Variants in LRRC49 observed in about 807,000 individuals in gnomAD.
LRRC49 encodes the protein leucine rich repeat containing 49.
A neutral mutation model predicts 83.3 loss-of-function variants in LRRC49; 50 were observed. That is an observed-to-expected ratio of 0.60 (90% confidence interval 0.48 to 0.76). LRRC49 has a LOEUF of 0.76. Ranked by LOEUF, LRRC49 falls within the 30% of genes least tolerant of loss-of-function variation. The probability of loss-of-function intolerance (pLI) is 0.00; values close to 1 mark genes in which losing one functional copy is unlikely to be tolerated. For missense variants in LRRC49, 704 were observed against 809.1 expected (o/e 0.87, Z 1.58); for synonymous variants, 286 against 283.3 (o/e 1.01, Z -0.10).
At chr15:70,868,041 C>T (rs1450737597) in intron 1 of LRRC49, among the ~76,000 whole-genome samples, 1 of 65,390 alleles carries the variant, frequency 1.5e-5, no homozygotes. Context: ...GCTTGATTGT[C>T]TTTCACCCTT....
chr15:71,049,634 G>A lies in LRRC49; in HGVS notation c.*22G>A, dbSNP rs1596188254. On this transcript the variant is annotated 3_prime_UTR_variant, in exon 16 of 16. Transcript: ENST00000260382. ...ATAAAAATGGCCTTTAGTTACAGTT[G>A]ATTTTGGCAGTTTTATTTTTTGAAG... The A allele has an allele frequency of 6.5e-7, 1 of 1,543,696 alleles. No individual in the cohort carries two copies. The highest frequency in any genetic ancestry group is 8.9e-7 in the Non-Finnish European group (1 of 1,127,714).
chr15:71,007,709 G>GTATATATATATATATATATATA (rs55946096), intron 11 of LRRC49, among the ~76,000 whole-genome samples: 42 of 137,696 alleles, frequency 3.1e-4, no homozygotes, highest in African/African-American at 1.1e-3. Context: ...TGAGAAGCAT[G>GTATATATATATATATATATATA]TATATATATA....
At chr15:70,968,182 C>T (rs553571457) in intron 9 of LRRC49, among the ~76,000 whole-genome samples, 1 of 152,060 alleles carries the variant, frequency 6.6e-6, no homozygotes, top group Non-Finnish European at 1.5e-5. Context: ...GTTCCCCTCC[C>T]TGTGCCCATG....
chr15:70,888,112 T>A (rs2033458360), upstream of LRRC49, among the ~76,000 whole-genome samples: 2 of 152,164 alleles, frequency 1.3e-5, no homozygotes, highest in Non-Finnish European at 2.9e-5. Context: ...TTTATTCCCA[T>A]ATTCATTTAT....
intron 14 of LRRC49, among the ~76,000 whole-genome samples, chr15:71,018,253 G>A (rs1026701407): frequency 5.3e-5 from 8 of 152,162 alleles, no homozygotes; most frequent in African/African-American, 1.9e-4. Flanking sequence ...CACCTGGGAG[G>A]ATATAGATAT....
intron 5 of LRRC49, among the ~76,000 whole-genome samples, chr15:70,911,297 T>A (rs913105005): frequency 2.0e-5 from 3 of 152,198 alleles, no homozygotes; most frequent in Non-Finnish European, 2.9e-5. Context: ...TTCTTAGACA[T>A]AGGATTGCTC....
At chr15:70,871,083 A>C (rs2033022445) in intron 1 of LRRC49, among the ~76,000 whole-genome samples, 1 of 151,860 alleles carries the variant, frequency 6.6e-6, no homozygotes, top group Non-Finnish European at 1.5e-5. Flanking sequence ...TGGTTTTCCT[A>C]GGCAGAGGAC....
At chr15:71,046,721 A>T (rs1053482964) in intron 15 of LRRC49, among the ~76,000 whole-genome samples, 1 of 151,914 alleles carries the variant, frequency 6.6e-6, no homozygotes, top group African/African-American at 2.4e-5. Context: ...CCATTTGTCT[A>T]TTTTTGTTTT....
chr15:70,997,384 C>T (rs995119175), intron 11 of LRRC49, among the ~76,000 whole-genome samples: 5 of 152,056 alleles, frequency 3.3e-5, no homozygotes, highest in South Asian at 2.1e-4. Context: ...CATGGAATAT[C>T]TGTTTCTATT....
intron 13 of LRRC49, among the ~76,000 whole-genome samples, chr15:71,011,689 G>C (rs2038656310): frequency 6.6e-6 from 1 of 152,046 alleles, no homozygotes; most frequent in South Asian, 2.1e-4. Context: ...GGCCTGCATT[G>C]GCCACTAGGT....
intron 7 of LRRC49, among the ~76,000 whole-genome samples, chr15:70,928,946 T>G (rs1391207275): frequency 1.3e-5 from 2 of 152,238 alleles, no homozygotes; most frequent in East Asian, 3.8e-4. Flanking sequence ...TTTCTACTTC[T>G]TAAACACCTG....
intron 8 of LRRC49, among the ~76,000 whole-genome samples, chr15:70,938,503 G>C (rs1005156716): frequency 6.6e-6 from 1 of 152,014 alleles, no homozygotes; most frequent in Admixed American, 6.6e-5. Context: ...TATGTTTCCT[G>C]CTCTGTTTTT....
rs754004374 is a variant in LRRC49 at position 71,053,061 on chromosome 15, G to C, written c.*3449G>C. 6.6e-6 allele frequency: 1 copy of C among 152,110 alleles called. No individual in the cohort carries two copies. The highest frequency in any genetic ancestry group is 1.5e-5 in the Non-Finnish European group (1 of 68,040). The allele number at this position is 152,110 out of a possible 1,614,324, so 9.4% of individuals were successfully genotyped here. ...TATACATATTAAAGTGTAAAATATT[G>C]GCAGCTGGATTCATTGCAATAATGT... On this transcript the variant is annotated 3_prime_UTR_variant, in exon 16 of 16. Coordinates refer to ENST00000260382, the MANE Select transcript of LRRC49 (RefSeq NM_017691.5).
chr15:70,943,803 TTCTA>T (rs948375304), intron 8 of LRRC49, among the ~76,000 whole-genome samples: 4 of 152,166 alleles, frequency 2.6e-5, no homozygotes, highest in Admixed American at 2.0e-4. Flanking sequence ...TCAGGTTTTT[TTCTA>T]TCTATTGGGA....
At position 71,038,497 on chromosome 15, in the gene LRRC49, C is replaced by A. The variant is rs534968104; in HGVS notation, c.1857+1165C>A. Reference sequence around the variant, plus strand: ...CCTTTTCCTTTCCTTTCCTTCCCCACCCCCAATCCTGAAGTGTCTCTTTGG... The same window carrying A: ...CCTTTTCCTTTCCTTTCCTTCCCCAACCCCAATCCTGAAGTGTCTCTTTGG... On this transcript the variant is annotated intron_variant, in intron 15 of 15. Transcript: ENST00000260382. 7.2e-5 allele frequency among the ~76,000 whole-genome samples: 11 copies of A among 152,152 alleles called. No individual in the cohort carries two copies. In the South Asian group the frequency reaches 2.1e-3, roughly 29 times the overall value.
At chr15:70,993,965 C>T (rs2037988241) in intron 11 of LRRC49, among the ~76,000 whole-genome samples, 1 of 151,994 alleles carries the variant, frequency 6.6e-6, no homozygotes, top group Admixed American at 6.6e-5. Flanking sequence ...CTGCCTCAGC[C>T]TCTTGAGTAG....
intron 7 of LRRC49, among the ~76,000 whole-genome samples, chr15:70,932,978 C>T (rs369312531): frequency 1.3e-5 from 2 of 152,052 alleles, no homozygotes; most frequent in East Asian, 3.9e-4. Context: ...GATGCACCCA[C>T]CTCACCTCCC....
At chr15:70,924,369 A>G (rs1193971270) in intron 7 of LRRC49, among the ~76,000 whole-genome samples, 4 of 151,728 alleles carry the variant, frequency 2.6e-5, no homozygotes, top group African/African-American at 9.7e-5. Flanking sequence ...CCTATTTGTT[A>G]TATTTTCCCT....
chr15:70,961,748 G>A (rs2036608314), intron 8 of LRRC49, among the ~76,000 whole-genome samples: 2 of 152,188 alleles, frequency 1.3e-5, no homozygotes, highest in Admixed American at 1.3e-4. Flanking sequence ...TTTGGGAGGA[G>A]GAGAGAAGAT....
Sources: allele counts gnomAD v4.1 joint callset (sites outside exome capture counted in the v4.1 genomes callset), GRCh38; gene constraint gnomAD v4.1.1; transcripts MANE v1.5; gene names NCBI Gene and HGNC (gene_info 2026-07-23, HGNC 2026-07-21).